KIAA0825: variants seen among roughly 807,000 people sequenced by gnomAD.
The protein encoded by KIAA0825 is uncharacterized protein KIAA0825.
Under a neutral mutation model 147.6 loss-of-function variants are expected in KIAA0825, and 119 were observed. The ratio of observed to expected loss-of-function variants is 0.81; its 90% CI spans 0.69 to 0.94. The LOEUF is 0.94. KIAA0825 is among the 40% of genes least tolerant of loss of function. The probability of loss-of-function intolerance (pLI) is 0.00; values close to 1 mark genes in which losing one functional copy is unlikely to be tolerated. For synonymous variants in KIAA0825, 470 were observed against 518.1 expected, an observed-to-expected ratio of 0.91 and a Z score of 1.26; for missense variants, 1,381 against 1,472.7, an observed-to-expected ratio of 0.94 and a Z score of 1.02.
At chr5:94,483,757 A>G (rs1762744059) in intron 6 of KIAA0825, among the ~76,000 whole-genome samples, 1 of 151,874 alleles carries the variant, frequency 6.6e-6, no homozygotes, top group Admixed American at 6.6e-5. Context: ...AATGTAAAAC[A>G]AAATCCAACC....
At chr5:94,464,817 C>A in intron 11 of KIAA0825, 52 bp downstream of exon 11, 1 of 1,475,116 alleles carries the variant, frequency 6.8e-7, no homozygotes, top group Non-Finnish European at 9.1e-7. Flanking sequence ...TGCTTTATAC[C>A]AACTAATGAA....
intron 1 of KIAA0825, 112 bp from the exon 2 acceptor site, chr5:94,582,695 G>C (rs1212463519): frequency 2.0e-5 from 3 of 152,122 alleles, no homozygotes; most frequent in Non-Finnish European, 4.4e-5. Context: ...ATAACATATG[G>C]ACTTGAGTCA....
rs1262177362 is a variant in KIAA0825 at position 94,554,760 on chromosome 5, A to G, written c.-1-17633T>C. The stretch of plus-strand genomic sequence containing the variant: ...TATATATATATATATATATATATAT[A>G]TGAATTCATTTAATTCTTAACATAA... On this transcript the variant is annotated intron_variant, in intron 2 of 20. Transcript: ENST00000682413. Among the ~76,000 whole-genome samples, 21 of 115,768 alleles carry G rather than the reference A, an allele frequency of 1.8e-4. No individual in the cohort carries two copies. The South Asian group carries it at 2.5e-3, about 14-fold the overall frequency. 75.9% of individuals were successfully genotyped at this position (115,768 alleles called of 152,430 possible). A position where few individuals can be genotyped will look rare whatever the true frequency, so the allele number is the denominator to read the frequency against.
intron 4 of KIAA0825, among the ~76,000 whole-genome samples, chr5:94,522,441 A>G (rs1280576833): frequency 6.6e-6 from 1 of 151,708 alleles, no homozygotes; most frequent in Non-Finnish European, 1.5e-5. Flanking sequence ...TAAGTCCGTA[A>G]ATAACTGTAA....
Position 94,276,556 on chromosome 5 carries a change from C to CA in KIAA0825, c.3710+107811dup, listed in dbSNP as rs1213477434. On this transcript the variant is annotated intron_variant, in intron 20 of 20. Transcript: ENST00000682413. The stretch of plus-strand genomic sequence containing the variant: ...CTTATAATATCAGATGGGGGCGTAC[C>CA]AAAAAAATCCCCAAAAGCAGACATT... Among the ~76,000 whole-genome samples the CA allele has an allele frequency of 2.6e-5, 4 of 151,792 alleles. No individual in the cohort carries two copies. The South Asian group carries it at 6.2e-4, about 24-fold the overall frequency.
At chr5:94,233,655 G>C (rs904237614) in intron 20 of KIAA0825, among the ~76,000 whole-genome samples, 3 of 152,188 alleles carry the variant, frequency 2.0e-5, no homozygotes. Context: ...AGCAGGGGTT[G>C]CATGGTGAAG....
intron 3 of KIAA0825, among the ~76,000 whole-genome samples, chr5:94,536,722 A>C (rs773564594): frequency 1.3e-5 from 2 of 152,232 alleles, no homozygotes; most frequent in Non-Finnish European, 2.9e-5. Context: ...GGACATCAAC[A>C]TTGACAAGCT....
At chr5:94,511,481 G>A (rs1301609879) in intron 5 of KIAA0825, among the ~76,000 whole-genome samples, 2 of 152,130 alleles carry the variant, frequency 1.3e-5, no homozygotes, top group African/African-American at 2.4e-5. Flanking sequence ...TTAGCTGGAC[G>A]TGGTGGCACA....
chr5:94,593,515 G>T, intron 1 of KIAA0825: 1 of 622,460 alleles, frequency 1.6e-6, no homozygotes, highest in South Asian at 1.9e-5. Flanking sequence ...ACCACTATTA[G>T]AAAGCTTTGT....
intron 20 of KIAA0825, among the ~76,000 whole-genome samples, chr5:94,313,485 C>T (rs1212036532): frequency 1.3e-5 from 2 of 151,680 alleles, no homozygotes; most frequent in African/African-American, 4.8e-5. Context: ...TAAAATGTCT[C>T]CTTTTGTAAT....
chr5:94,512,708 C>T (rs1386133438), intron 5 of KIAA0825, among the ~76,000 whole-genome samples: 3 of 151,650 alleles, frequency 2.0e-5, no homozygotes, highest in South Asian at 2.1e-4. Flanking sequence ...AGCCTGCCAA[C>T]ATGGCTACTA....
intron 2 of KIAA0825, among the ~76,000 whole-genome samples, chr5:94,551,178 G>C (rs1276886221): frequency 1.3e-5 from 2 of 150,848 alleles, no homozygotes; most frequent in Non-Finnish European, 3.0e-5. Context: ...AATAATACAG[G>C]AAGAAAAAAA....
In KIAA0825 at chr5:94,597,355, T is replaced by G. The variant is rs536559007; in HGVS notation, c.-152-14772A>C. On this transcript the variant is annotated intron_variant, in intron 1 of 20. Transcript: ENST00000682413. ...ACAACTGAATTAAATTAGAAATCAA[T>G]AGCAGAAAGAAATCTGGGAAAACCC... Among the ~76,000 whole-genome samples, 5 of 152,076 alleles carry G rather than the reference T, an allele frequency of 3.3e-5. No individual in the cohort carries two copies. The South Asian group carries it at 1.0e-3, about 32-fold the overall frequency.
At chr5:94,557,990 G>A (rs1776872366) in intron 2 of KIAA0825, among the ~76,000 whole-genome samples, 2 of 152,254 alleles carry the variant, frequency 1.3e-5, no homozygotes, top group Middle Eastern at 3.4e-3. Context: ...CCAGGGAGGC[G>A]CCCATTGCCG....
intron 2 of KIAA0825, among the ~76,000 whole-genome samples, chr5:94,564,457 AGT>A (rs372092487): frequency 2.7e-4 from 4 of 14,980 alleles, no homozygotes; most frequent in South Asian, 1.7e-3. Flanking sequence ...CTTATTTTTG[AGT>A]GTGTGTGTGT....
intron 20 of KIAA0825, among the ~76,000 whole-genome samples, chr5:94,379,985 C>T (rs1002496466): frequency 2.7e-5 from 4 of 150,842 alleles, no homozygotes; most frequent in African/African-American, 4.9e-5. Flanking sequence ...TCCCCAGTAG[C>T]TGGGACTACA....
At chr5:94,584,636 A>T (rs1782898043) in intron 1 of KIAA0825, among the ~76,000 whole-genome samples, 1 of 152,210 alleles carries the variant, frequency 6.6e-6, no homozygotes, top group African/African-American at 2.4e-5. Flanking sequence ...ATTCAGGAGA[A>T]ATTCCCCAAG....
chr5:94,321,809 C>A (rs1198921117), intron 20 of KIAA0825, among the ~76,000 whole-genome samples: 1 of 151,844 alleles, frequency 6.6e-6, no homozygotes, highest in East Asian at 1.9e-4. Flanking sequence ...TGGTTAAAAT[C>A]ATATTTAACA....
chr5:94,445,771 A>G (rs1437037062), intron 13 of KIAA0825, among the ~76,000 whole-genome samples: 2 of 152,110 alleles, frequency 1.3e-5, no homozygotes, highest in African/African-American at 4.8e-5. Flanking sequence ...TTCAGTTGAC[A>G]TTTTCACTTT....
Sources: allele counts gnomAD v4.1 joint callset (sites outside exome capture counted in the v4.1 genomes callset), GRCh38; gene constraint gnomAD v4.1.1; transcripts MANE v1.5; gene names NCBI Gene and HGNC (gene_info 2026-07-23, HGNC 2026-07-21).